PTPRD: variants seen among roughly 807,000 people sequenced by gnomAD.
PTPRD encodes receptor-type tyrosine-protein phosphatase delta.
In PTPRD, 34 loss-of-function variants were observed where a neutral mutation model predicts 214.5. The ratio of observed to expected loss-of-function variants is 0.16; its 90% CI spans 0.12 to 0.21. The LOEUF (loss-of-function observed/expected upper bound fraction) is 0.21, where lower values mean the gene tolerates loss of function less well. Ranked by LOEUF, PTPRD falls within the 10% of genes least tolerant of loss-of-function variation. The pLI, the probability that PTPRD is intolerant of heterozygous loss-of-function variation, is 1.00. For synonymous variants in PTPRD, 1,128 were observed against 845.7 expected, an observed-to-expected ratio of 1.33 and a Z score of -5.79; for missense variants, 2,545 against 2,398.7, an observed-to-expected ratio of 1.06 and a Z score of -1.27.
chr9:9,763,828 A>C (rs2098682707), intron 6 of PTPRD, among the ~76,000 whole-genome samples: 1 of 152,134 alleles, frequency 6.6e-6, no homozygotes, highest in African/African-American at 2.4e-5. Context: ...GTCATGTCAC[A>C]GAAAGAATTG....
chr9:8,845,579 G>A (rs2097675877), intron 11 of PTPRD, among the ~76,000 whole-genome samples: 1 of 152,202 alleles, frequency 6.6e-6, no homozygotes, highest in African/African-American at 2.4e-5. Context: ...TGATAAGCTG[G>A]CACAGCCAAT....
intron 8 of PTPRD, among the ~76,000 whole-genome samples, chr9:9,528,943 T>A (rs1051295796): frequency 6.7e-6 from 1 of 150,200 alleles, no homozygotes; most frequent in Non-Finnish European, 1.5e-5. Flanking sequence ...TGTTTCTTTT[T>A]TTTTTTTTTT....
intron 2 of PTPRD, among the ~76,000 whole-genome samples, chr9:10,526,121 C>T (rs1349213525): frequency 6.6e-6 from 1 of 152,044 alleles, no homozygotes; most frequent in Non-Finnish European, 1.5e-5. Context: ...TTGAAAAACA[C>T]TGTTCTAAGA....
intron 5 of PTPRD, among the ~76,000 whole-genome samples, chr9:9,910,674 A>T (rs1268837107): frequency 6.6e-6 from 1 of 151,936 alleles, no homozygotes; most frequent in Non-Finnish European, 1.5e-5. Context: ...TTTATGCATT[A>T]TATATAGATG....
intron 4 of PTPRD, among the ~76,000 whole-genome samples, chr9:10,002,818 A>G (rs1236268124): frequency 6.6e-6 from 1 of 151,654 alleles, no homozygotes; most frequent in Non-Finnish European, 1.5e-5. Context: ...CAATAACACT[A>G]CGAAATAGAC....
At chr9:10,238,696 T>C (rs1396547906) in intron 3 of PTPRD, among the ~76,000 whole-genome samples, 2 of 151,986 alleles carry the variant, frequency 1.3e-5, no homozygotes, top group African/African-American at 2.4e-5. Context: ...CTAAAAATTG[T>C]AGACAATAAT....
intron 11 of PTPRD, among the ~76,000 whole-genome samples, chr9:9,013,490 T>G (rs958233770): frequency 6.6e-6 from 1 of 152,180 alleles, no homozygotes; most frequent in Non-Finnish European, 1.5e-5. Context: ...AGTGTTTTTT[T>G]GTGTGTTTGT....
chr9:9,186,770 C>T (rs576843317), intron 9 of PTPRD, among the ~76,000 whole-genome samples: 1 of 152,048 alleles, frequency 6.6e-6, no homozygotes, highest in Non-Finnish European at 1.5e-5. Context: ...TTTCCACCTT[C>T]ACAGAAATAA....
intron 8 of PTPRD, among the ~76,000 whole-genome samples, chr9:9,548,586 A>C (rs574330130): frequency 1.6e-4 from 24 of 151,794 alleles, no homozygotes; most frequent in Admixed American, 1.1e-3. Context: ...TTTAGTAGAG[A>C]TGGGGTTTCA....
intron 8 of PTPRD, among the ~76,000 whole-genome samples, chr9:9,548,645 C>T (rs186703036): frequency 6.6e-6 from 1 of 151,714 alleles, no homozygotes; most frequent in East Asian, 2.0e-4. Flanking sequence ...AAAGTAAAGA[C>T]ACAAAAGAGT....
intron 10 of PTPRD, among the ~76,000 whole-genome samples, chr9:9,068,528 C>CA (rs750288605): frequency 2.0e-5 from 3 of 152,156 alleles, no homozygotes; most frequent in Non-Finnish European, 2.9e-5. Context: ...TTAATAACTG[C>CA]TTTTGTGTCA....
intron 5 of PTPRD, among the ~76,000 whole-genome samples, chr9:9,932,473 A>G (rs2087089981): frequency 6.9e-6 from 1 of 144,432 alleles, no homozygotes; most frequent in Non-Finnish European, 1.5e-5. Context: ...AAGAAAGGGT[A>G]TCAGCAATGG....
intron 11 of PTPRD, among the ~76,000 whole-genome samples, chr9:8,758,699 G>T (rs868323794): frequency 3.3e-4 from 50 of 151,830 alleles, no homozygotes; most frequent in African/African-American, 1.2e-3. Flanking sequence ...TACGCAATAT[G>T]CTACAACAAG....
intron 7 of PTPRD, among the ~76,000 whole-genome samples, chr9:9,681,669 G>C (rs929069929): frequency 1.3e-5 from 2 of 151,628 alleles, no homozygotes; most frequent in Non-Finnish European, 2.9e-5. Flanking sequence ...TTATCTCCTT[G>C]AGAGAAATTA....
At chr9:9,813,449 CTT>C (rs2047786123) in intron 5 of PTPRD, among the ~76,000 whole-genome samples, 1 of 151,812 alleles carries the variant, frequency 6.6e-6, no homozygotes, top group Admixed American at 6.6e-5. Context: ...GATCTAAGAA[CTT>C]ATGCCATAGT....
At chr9:10,026,148 A>T (rs143226939) in intron 4 of PTPRD, among the ~76,000 whole-genome samples, 1 of 152,216 alleles carries the variant, frequency 6.6e-6, no homozygotes, top group African/African-American at 2.4e-5. Context: ...GTCCAAGCCA[A>T]TGCCAGTTAA....
intron 11 of PTPRD, among the ~76,000 whole-genome samples, chr9:8,799,773 T>G (rs917839201): frequency 2.0e-5 from 3 of 152,116 alleles, no homozygotes; most frequent in Admixed American, 2.0e-4. Context: ...CACTCTTATT[T>G]ACTCTACCAA....
intron 7 of PTPRD, among the ~76,000 whole-genome samples, chr9:9,576,062 T>C (rs1049948078): frequency 1.3e-5 from 2 of 152,160 alleles, no homozygotes; most frequent in Non-Finnish European, 2.9e-5. Flanking sequence ...TAATTTAAAA[T>C]AGAAAAGTTA....
intron 33 of PTPRD, among the ~76,000 whole-genome samples, chr9:8,452,471 A>C (rs965241987): frequency 6.6e-6 from 1 of 152,264 alleles, no homozygotes; most frequent in Non-Finnish European, 1.5e-5. Context: ...AATTAGGCCC[A>C]ACATGAATGT....
Sources: gnomAD v4.1 joint callset for allele counts (sites outside exome capture counted in the v4.1 genomes callset) on GRCh38, gnomAD v4.1.1 for gene constraint, MANE v1.5 for transcripts, NCBI Gene and HGNC (gene_info 2026-07-23, HGNC 2026-07-21) for gene names.